The following SMAD2 variants were observed in gnomAD, a reference collection of about 807,000 sequenced individuals.
The protein encoded by SMAD2 is SMAD family member 2, also known as MAD homolog 2.
In SMAD2, 8 loss-of-function variants were observed where a neutral mutation model predicts 64.4. The ratio of observed to expected loss-of-function variants is 0.12; its 90% CI spans 0.07 to 0.22. SMAD2 has a LOEUF of 0.22. Ranked by LOEUF, SMAD2 falls within the 10% of genes least tolerant of loss-of-function variation. SMAD2 has a pLI of 1.00. For synonymous variants in SMAD2, 203 were observed against 195.8 expected (o/e 1.04, Z -0.31); for missense variants, 289 against 561.2 (o/e 0.51, Z 4.90).
At chr18:47,919,467 A>ACAC (rs1322969096) in intron 1 of SMAD2, among the ~76,000 whole-genome samples, 1 of 87,070 alleles carries the variant, frequency 1.1e-5, no homozygotes, top group African/African-American at 4.9e-5. Context: ...CAAAAAAAAA[A>ACAC]ATACACACAC....
intron 1 of SMAD2, among the ~76,000 whole-genome samples, chr18:47,899,282 G>A (rs1303290902): frequency 6.6e-6 from 1 of 152,092 alleles, no homozygotes; most frequent in Non-Finnish European, 1.5e-5. Context: ...CCAGAAGGAG[G>A]TGCCCGATAA....
At chr18:47,922,575 C>T (rs2034605558) in intron 1 of SMAD2, 2 of 152,100 alleles carry the variant, frequency 1.3e-5, no homozygotes, top group African/African-American at 4.8e-5. Context: ...TCAGCGTTCT[C>T]ATATTCTGGT....
intron 6 of SMAD2, among the ~76,000 whole-genome samples, chr18:47,860,243 C>A (rs1037954317): frequency 6.6e-6 from 1 of 152,108 alleles, no homozygotes; most frequent in Non-Finnish European, 1.5e-5. Context: ...ATTTAAAAAA[C>A]CTTTTCCTAC....
chr18:47,882,648 G>C (rs1299502904), intron 2 of SMAD2, among the ~76,000 whole-genome samples: 1 of 152,136 alleles, frequency 6.6e-6, no homozygotes, highest in African/African-American at 2.4e-5. Flanking sequence ...AGGGTTATGT[G>C]AGCCTCATAA....
At chr18:47,852,118 A>G (rs1598766850) in intron 6 of SMAD2, among the ~76,000 whole-genome samples, 1 of 152,288 alleles carries the variant, frequency 6.6e-6, no homozygotes, top group Admixed American at 6.5e-5. Context: ...TTCCTGTGAT[A>G]GTCTGTTCTT....
At position 47,924,331 on chromosome 18, in the gene SMAD2, T is replaced by C. The variant is rs1440678866; in HGVS notation, c.-54+6030A>G. Among the ~76,000 whole-genome samples the C allele has an allele frequency of 1.3e-5, 2 of 151,672 alleles. 1 individual carries two copies. The highest frequency in any genetic ancestry group is 2.9e-5 in the Non-Finnish European group (2 of 67,960). ...ACTACCACAGATAAAGTATCTCTAG[T>C]CAACAAAAGAGTTTCAATAGTTCAC... On this transcript the variant is annotated intron_variant, in intron 1 of 10. Coordinates refer to ENST00000262160, the MANE Select transcript of SMAD2 (RefSeq NM_005901.6).
At position 47,896,636 on chromosome 18, in the gene SMAD2, A is replaced by G. The variant is rs2033449914; in HGVS notation, c.121T>C (p.Cys41Arg). 6.2e-7 allele frequency: 1 copy of G among 1,614,004 alleles called. No homozygotes were observed. The highest frequency in any genetic ancestry group is 8.5e-7 in the Non-Finnish European group (1 of 1,179,994). Residue 41 changes from cysteine to arginine, a missense_variant, in exon 2 of 11, where the codon TGT becomes CGT. Coordinates refer to ENST00000262160, the MANE Select transcript of SMAD2 (RefSeq NM_005901.6). ...ACCAGACTTTTCACTGCTTTCTCAC[A>G]CCACTTTTCTTCCTGCCCATTCTGC... ...GEQNGQEEKWCEKAVKSLVKK... is the reference protein window; with the variant it reads ...GEQNGQEEKWREKAVKSLVKK...
chr18:47,832,969 A>AT lies in SMAD2; in HGVS notation c.*8857dup. ...CATGTACTCTTAAAATCATATGTCCATATGTGAAATACAATCACTTTTTTT... is the reference window on the plus strand; with the variant it reads ...CATGTACTCTTAAAATCATATGTCCATTATGTGAAATACAATCACTTTTTTT... On this transcript the variant is annotated 3_prime_UTR_variant, in exon 11 of 11. Coordinates refer to ENST00000262160, the MANE Select transcript of SMAD2 (RefSeq NM_005901.6). 5.9e-6 allele frequency: 1 copy of AT among 170,048 alleles called. No individual in the cohort carries two copies. Among genetic ancestry groups the AT allele is most frequent in the Non-Finnish European group, 1.3e-5 (1 of 78,188 alleles). 10.5% of individuals were successfully genotyped at this position (170,048 alleles called of 1,614,324 possible).
In SMAD2 at chr18:47,930,459, G is replaced by A. The variant is rs1378947916; in HGVS notation, c.-152C>T. The stretch of plus-strand genomic sequence containing the variant: ...GGGATGGAGGGGGCTGGGAGGGGAA[G>A]AGGGGAATGGGCGATTGGAGGCGGA... On this transcript the variant is annotated 5_prime_UTR_variant, in exon 1 of 11. Coordinates refer to ENST00000262160, the MANE Select transcript of SMAD2 (RefSeq NM_005901.6). The A allele has an allele frequency of 6.6e-6, 1 of 152,032 alleles. No individual in the cohort carries two copies. Among genetic ancestry groups the A allele is most frequent in the Non-Finnish European group, 1.5e-5 (1 of 68,004 alleles). The allele number at this position is 152,032 out of a possible 1,614,324, so 9.4% of individuals were successfully genotyped here. A position where few individuals can be genotyped will look rare whatever the true frequency, so the allele number is the denominator to read the frequency against.
At chr18:47,922,344 G>C (rs969116076) in intron 1 of SMAD2, among the ~76,000 whole-genome samples, 1 of 152,030 alleles carries the variant, frequency 6.6e-6, no homozygotes, top group African/African-American at 2.4e-5. Context: ...CCTTATCTGT[G>C]GGTTCCAAAT....
chr18:47,847,561 A>G (rs953094793), intron 8 of SMAD2, among the ~76,000 whole-genome samples: 3 of 152,046 alleles, frequency 2.0e-5, no homozygotes, highest in Non-Finnish European at 4.4e-5. Context: ...TGAGATTTAA[A>G]AAATTCATTT....
chr18:47,929,433 G>A (rs550517389), intron 1 of SMAD2, among the ~76,000 whole-genome samples: 2 of 152,292 alleles, frequency 1.3e-5, no homozygotes, highest in East Asian at 3.9e-4. Flanking sequence ...TTTCTAAAAA[G>A]ATGTAATTAT....
intron 2 of SMAD2, chr18:47,895,119 A>G (rs1419399568): frequency 6.6e-6 from 1 of 152,220 alleles, no homozygotes; most frequent in Non-Finnish European, 1.5e-5. Context: ...TTTAAAATCC[A>G]TCAGAATAAA....
In SMAD2 at chr18:47,863,163, G is replaced by A. The variant is rs926716000; in HGVS notation, c.730+1896C>T. ...GAAGGTATGAACCAGAGTTAGAGAG[G>A]TGGCCAACTTTGTTCTAAATTGGAG... On this transcript the variant is annotated intron_variant, in intron 6 of 10. Coordinates refer to ENST00000262160, the MANE Select transcript of SMAD2 (RefSeq NM_005901.6). 4.6e-5 allele frequency among the ~76,000 whole-genome samples: 7 copies of A among 152,152 alleles called. 1 individual carries two copies. The highest frequency in any genetic ancestry group is 3.9e-4 in the East Asian group (2 of 5,182).
rs768274606 is a variant in SMAD2 at position 47,896,762 on chromosome 18, T to C, written c.-6A>G. The C allele has an allele frequency of 1.9e-5, 30 of 1,613,346 alleles. No homozygotes were observed. Among genetic ancestry groups the C allele is most frequent in the Non-Finnish European group, 1.3e-5 (15 of 1,179,778 alleles). On this transcript the variant is annotated 5_prime_UTR_variant, in exon 2 of 11. Transcript: ENST00000262160. ...AATGGCAAGATGGACGACATGTTCT[T>C]ACCAAAGGCAGCAAGCCACGCTAGG...
intron 2 of SMAD2, among the ~76,000 whole-genome samples, chr18:47,887,388 G>C (rs2032966756): frequency 6.6e-6 from 1 of 152,084 alleles, no homozygotes; most frequent in Admixed American, 6.5e-5. Flanking sequence ...GAGAGAAAAG[G>C]GGCACGATCT....
intron 6 of SMAD2, among the ~76,000 whole-genome samples, chr18:47,855,347 G>A (rs569527676): frequency 2.6e-5 from 4 of 152,278 alleles, no homozygotes; most frequent in Admixed American, 2.6e-4. Context: ...GTAGACCTAA[G>A]TTTTCAATTC....
Position 47,824,438 on chromosome 18 carries a change from T to C in SMAD2, c.*17389A>G, listed in dbSNP as rs1029084989. 18 of 152,360 alleles carry C rather than the reference T, an allele frequency of 1.2e-4. No homozygotes were observed. Among genetic ancestry groups the C allele is most frequent in the African/African-American group, 4.3e-4 (18 of 41,580 alleles). The allele number at this position is 152,360 out of a possible 1,614,324, so 9.4% of individuals were successfully genotyped here. A position where few individuals can be genotyped will look rare whatever the true frequency, so the allele number is the denominator to read the frequency against. On this transcript the variant is annotated 3_prime_UTR_variant, in exon 11 of 11. Transcript: ENST00000262160. ...TAATCCTTGTAGCCAAGAATAATTA[T>C]TTCAAGACAATTATATAATCTTTAT...
At position 47,839,606 on chromosome 18, in the gene SMAD2, G is replaced by A. The variant is rs1293010301; in HGVS notation, c.*2221C>T. 4.3e-6 allele frequency: 1 copy of A among 233,214 alleles called. No individual in the cohort carries two copies. The highest frequency in any genetic ancestry group is 2.2e-5 in the African/African-American group (1 of 45,352). The allele number at this position is 233,214 out of a possible 1,614,324, so 14.4% of individuals were successfully genotyped here. A position where few individuals can be genotyped will look rare whatever the true frequency, so the allele number is the denominator to read the frequency against. On this transcript the variant is annotated 3_prime_UTR_variant, in exon 11 of 11. Coordinates refer to ENST00000262160, the MANE Select transcript of SMAD2 (RefSeq NM_005901.6). ...AATTTTTACAGCAAAGGTTGAGGAA[G>A]GAGATATGTTAGTGAGAATCACATG...
Sources: allele counts gnomAD v4.1 joint callset (sites outside exome capture counted in the v4.1 genomes callset), GRCh38; gene constraint gnomAD v4.1.1; transcripts MANE v1.5; gene names NCBI Gene and HGNC (gene_info 2026-07-23, HGNC 2026-07-21).